UBAP2: variants seen among roughly 807,000 people sequenced by gnomAD.
The protein encoded by UBAP2 is ubiquitin associated protein 2.
UBAP2 carries 75 observed loss-of-function variants against 139.6 expected under a neutral mutation model. The ratio of observed to expected loss-of-function variants is 0.54; its 90% CI spans 0.45 to 0.65. UBAP2 has a LOEUF of 0.65. UBAP2 is among the 30% of genes least tolerant of loss of function. The pLI is 0.00. For synonymous variants in UBAP2, 526 were observed against 526.2 expected (o/e 1.00, Z 0.01); for missense variants, 1,368 against 1,369.6 (o/e 1.00, Z 0.02).
At chr9:33,929,902 G>A (rs545220159) in intron 19 of UBAP2, among the ~76,000 whole-genome samples, 1 of 152,248 alleles carries the variant, frequency 6.6e-6, no homozygotes, top group South Asian at 2.1e-4. Context: ...TACTAGGGAG[G>A]CTGAGGCAGG....
At chr9:34,035,369 G>A (rs984436932) in intron 1 of UBAP2, among the ~76,000 whole-genome samples, 1 of 151,004 alleles carries the variant, frequency 6.6e-6, no homozygotes, top group African/African-American at 2.4e-5. Context: ...GGGCATGATG[G>A]CGGGTGCCTG....
Position 33,956,163 on chromosome 9 carries a change from A to G in UBAP2, c.799-17T>C. On this transcript the variant is annotated splice_polypyrimidine_tract_variant and intron_variant, in intron 10 of 28. Coordinates refer to ENST00000379238, the MANE Select transcript of UBAP2 (RefSeq NM_001370062.2). Reference sequence around the variant, plus strand: ...TTCAGAAAGCTGTATGGAAAGTTGAAAAATTTAATCTTATTCTACATACTA... The same window carrying G: ...TTCAGAAAGCTGTATGGAAAGTTGAGAAATTTAATCTTATTCTACATACTA... 6.2e-7 allele frequency: 1 copy of G among 1,606,446 alleles called. No individual in the cohort carries two copies. Among genetic ancestry groups the G allele is most frequent in the Non-Finnish European group, 8.5e-7 (1 of 1,173,812 alleles).
chr9:33,943,732 A>C (rs1825428190), intron 14 of UBAP2, 143 bp from the exon 15 acceptor site: 1 of 750,454 alleles, frequency 1.3e-6, no homozygotes, highest in Non-Finnish European at 2.1e-6. Context: ...AAATAGGCTA[A>C]GACTTTTCTA....
At chr9:33,954,462 AACTTACCTAGTGTAGTAGG>A (rs1826383410) in intron 11 of UBAP2, among the ~76,000 whole-genome samples, 1 of 152,034 alleles carries the variant, frequency 6.6e-6, no homozygotes, top group Non-Finnish European at 1.5e-5. Flanking sequence ...CTCTTTTCTA[AACTTACCTAGTGTAGTAGG>A]ACCTGCCAGA....
At chr9:33,994,919 A>G (rs1459262508) in intron 4 of UBAP2, 3 of 152,220 alleles carry the variant, frequency 2.0e-5, no homozygotes, top group East Asian at 1.9e-4. Context: ...TGAGACTTCA[A>G]TTAAATCTGA....
At chr9:33,959,966 C>A (rs1826904775) in intron 10 of UBAP2, among the ~76,000 whole-genome samples, 1 of 152,122 alleles carries the variant, frequency 6.6e-6, no homozygotes, top group African/African-American at 2.4e-5. Flanking sequence ...AAGATGGATT[C>A]TTGCTCTGTC....
intron 2 of UBAP2, among the ~76,000 whole-genome samples, chr9:34,001,871 C>A (rs1213155561): frequency 6.6e-6 from 1 of 151,854 alleles, no homozygotes; most frequent in African/African-American, 2.4e-5. Context: ...AAATTATAAG[C>A]TTTACAAGTC....
chr9:34,018,287 C>A (rs1824573471), intron 1 of UBAP2, among the ~76,000 whole-genome samples: 1 of 149,422 alleles, frequency 6.7e-6, no homozygotes. Flanking sequence ...GACCAGAAAA[C>A]CTGCTAGACA....
chr9:33,944,701 ATGAAGTGTT>A, intron 13 of UBAP2, 62 bp from the exon 14 acceptor site: 4 of 1,556,858 alleles, frequency 2.6e-6, no homozygotes, highest in African/African-American at 1.4e-5. Flanking sequence ...TCAATAGAAC[ATGAAGTGTT>A]CTATTACCAC....
chr9:33,927,174 C>T, intron 20 of UBAP2, 94 bp from the exon 21 acceptor site: 1 of 930,296 alleles, frequency 1.1e-6, no homozygotes, highest in East Asian at 2.6e-5. Context: ...CACTGAGCTA[C>T]CCCAGATGGG....
At chr9:33,939,194 T>C (rs1824866879) in intron 16 of UBAP2, among the ~76,000 whole-genome samples, 1 of 131,504 alleles carries the variant, frequency 7.6e-6, no homozygotes, top group Non-Finnish European at 1.7e-5. Flanking sequence ...TATGTCTTTT[T>C]TTTTTTTTTT....
chr9:33,978,998 G>A (rs1306998960), intron 6 of UBAP2, among the ~76,000 whole-genome samples: 2 of 152,150 alleles, frequency 1.3e-5, no homozygotes, highest in African/African-American at 2.4e-5. Flanking sequence ...TCTGCTTTAG[G>A]AGGCCAAGGG....
chr9:33,986,307 T>C (rs1395011532), intron 6 of UBAP2, among the ~76,000 whole-genome samples: 2 of 152,232 alleles, frequency 1.3e-5, no homozygotes, highest in East Asian at 1.9e-4. Flanking sequence ...TGTTCAACAG[T>C]AGAGTAAGAT....
At chr9:33,932,736 A>G in intron 18 of UBAP2, 108 bp from the exon 19 acceptor site, 2 of 1,198,686 alleles carry the variant, frequency 1.7e-6, no homozygotes, top group Admixed American at 4.1e-5. Context: ...AGTCCCTAGC[A>G]CAGGACCGGC....
intron 2 of UBAP2, among the ~76,000 whole-genome samples, chr9:34,002,663 A>C (rs1587642366): frequency 6.6e-6 from 1 of 151,902 alleles, no homozygotes; most frequent in African/African-American, 2.4e-5. Context: ...GGTGTGAGCC[A>C]CCCGCCCAGC....
intron 8 of UBAP2, among the ~76,000 whole-genome samples, chr9:33,970,908 TTCTCCTG>T (rs1448392330): frequency 6.6e-5 from 10 of 152,224 alleles, no homozygotes; most frequent in African/African-American, 2.2e-4. Flanking sequence ...GTTCAAGCGA[TTCTCCTG>T]TCTCAGCCTC....
At chr9:33,938,319 G>C (rs1360940438) in intron 16 of UBAP2, among the ~76,000 whole-genome samples, 1 of 152,018 alleles carries the variant, frequency 6.6e-6, no homozygotes, top group African/African-American at 2.4e-5. Flanking sequence ...TGTAGAGACA[G>C]AGTTTTTTGT....
chr9:34,044,339 T>C (rs1001092050), intron 1 of UBAP2, among the ~76,000 whole-genome samples: 4 of 151,142 alleles, frequency 2.6e-5, no homozygotes, highest in Non-Finnish European at 4.4e-5. Flanking sequence ...AGGCGGAGTT[T>C]GCAGTGAGCC....
At chr9:34,040,059 TGAGGCAGGAGA>T (rs1826920182) in intron 1 of UBAP2, among the ~76,000 whole-genome samples, 1 of 151,526 alleles carries the variant, frequency 6.6e-6, no homozygotes, top group Admixed American at 6.6e-5. Flanking sequence ...CTTGGGAGGC[TGAGGCAGGAGA>T]ATCACTTGAA....
Sources: allele counts gnomAD v4.1 joint callset (sites outside exome capture counted in the v4.1 genomes callset), GRCh38; gene constraint gnomAD v4.1.1; transcripts MANE v1.5; gene names NCBI Gene and HGNC (gene_info 2026-07-23, HGNC 2026-07-21).